Variants in RYR3 observed in about 807,000 individuals in gnomAD.
RYR3 encodes brain ryanodine receptor-calcium release channel.
RYR3 carries 207 observed loss-of-function variants against 584.3 expected under a neutral mutation model. The observed-to-expected ratio is 0.35, with a 90% CI of 0.32 to 0.40. The LOEUF (loss-of-function observed/expected upper bound fraction) is 0.40. Among genes scored for constraint, RYR3 ranks in the 10% least tolerant of loss-of-function variants. RYR3 has a pLI of 1.00. For missense variants in RYR3, 5,616 were observed against 6,089.2 expected (o/e 0.92, Z 2.59); for synonymous variants, 2,416 against 2,248.5 (o/e 1.07, Z -2.11).
intron 80 of RYR3, 145 bp from the exon 81 acceptor site, chr15:33,822,851 A>G: frequency 1.8e-6 from 1 of 559,648 alleles, no homozygotes; most frequent in Non-Finnish European, 3.1e-6. Flanking sequence ...TTATAAAATA[A>G]ACATGATCTA....
In RYR3 at chr15:33,772,129, C is replaced by T; in HGVS notation, c.9026C>T (p.Thr3009Ile). Residue 3009 changes from threonine to isoleucine, a missense_variant, in exon 63 of 104, where the codon ACT becomes ATT. By Grantham distance (89) the Thr-to-Ile change is moderately conservative. Coordinates refer to ENST00000634891, the MANE Select transcript of RYR3 (RefSeq NM_001036.6). ...CTGACGTCCATCTTTGAGCACGTCA[C>T]TCAGCATCAGTTTGGAATGGATCTA... ...PILTSIFEHV[T>I]QHQFGMDLLL... is the part of the protein sequence containing the mutation. 6.2e-7 allele frequency: 1 copy of T among 1,612,290 alleles called. No homozygotes were observed. Among genetic ancestry groups the T allele is most frequent in the Non-Finnish European group, 8.5e-7 (1 of 1,178,584 alleles).
In RYR3 at chr15:33,736,276, T is replaced by C; in HGVS notation, c.7466T>C (p.Leu2489Pro). 1 of 1,613,468 alleles carries C rather than the reference T, an allele frequency of 6.2e-7. No individual in the cohort carries two copies. The highest frequency in any genetic ancestry group is 8.5e-7 in the Non-Finnish European group (1 of 1,179,726). The change falls in exon 49 of 104, where the codon CTC becomes CCC. Residue 2489 changes from leucine (L) to proline (P), a missense_variant. By Grantham distance (98) the Leu-to-Pro change is moderately conservative. Transcript: ENST00000634891. Reference sequence around the variant, plus strand: ...ATGTTACAGCAACTCCTGCGACGCCTCGTTTTTGATGTGCCGCAACTCAAT... The same window carrying C: ...ATGTTACAGCAACTCCTGCGACGCCCCGTTTTTGATGTGCCGCAACTCAAT... ...PSMLQQLLRRLVFDVPQLNEY... is the reference protein window; with the variant it reads ...PSMLQQLLRRPVFDVPQLNEY...
In RYR3 at chr15:33,865,162, G is replaced by A. The variant is rs749293138; in HGVS notation, c.14549G>A (p.Arg4850Lys). 6.2e-7 allele frequency: 1 copy of A among 1,613,694 alleles called. No individual in the cohort carries two copies. Among genetic ancestry groups the A allele is most frequent in the South Asian group, 1.1e-5 (1 of 91,060 alleles). Reference protein sequence around the residue: ...ESYVWKMYQERCWDFFPAGDC... With the variant: ...ESYVWKMYQEKCWDFFPAGDC... ...TATGTCTGGAAGATGTACCAAGAAA[G>A]GTGTTGGGATTTCTTCCCAGCCGGT... The change falls in exon 104 of 104, where the codon AGG becomes AAG. Residue 4850 changes from arginine to lysine, a missense_variant. Arg to Lys is a conservative substitution (Grantham distance 26, BLOSUM62 2). Around this residue, in one of 9 missense-constraint regions of RYR3, gnomAD observed 918 missense variants for 887.4 expected, o/e 1.03. Coordinates refer to ENST00000634891, the MANE Select transcript of RYR3 (RefSeq NM_001036.6).
intron 1 of RYR3, among the ~76,000 whole-genome samples, chr15:33,469,547 G>A (rs1254634044): frequency 2.6e-5 from 4 of 151,788 alleles, no homozygotes; most frequent in South Asian, 2.1e-4. Context: ...TCAGAGATAC[G>A]AGATAATGAT....
At position 33,854,888 on chromosome 15, in the gene RYR3, A is replaced by G; in HGVS notation, c.13983A>G (p.Ser4661=). 2 of 1,612,602 alleles carry G rather than the reference A, an allele frequency of 1.2e-6. No individual in the cohort carries two copies. The highest frequency in any genetic ancestry group is 1.7e-6 in the Non-Finnish European group (2 of 1,179,478). ...MGFKTLRTIL[S]SVTHNGKQLV... is the part of the protein sequence containing the mutation. Reference sequence around the variant, plus strand: ...TCAAGACACTGAGGACCATTCTGTCATCTGTAACTCACAATGGCAAACAGG... The same window carrying G: ...TCAAGACACTGAGGACCATTCTGTCGTCTGTAACTCACAATGGCAAACAGG... The change falls in exon 98 of 104, where the codon TCA becomes TCG. Residue 4661 remains serine (S), a synonymous_variant. Coordinates refer to ENST00000634891, the MANE Select transcript of RYR3 (RefSeq NM_001036.6).
At chr15:33,725,154 TACACACACACACACACACACACAC>T (rs58951939) in intron 45 of RYR3, among the ~76,000 whole-genome samples, 13 of 113,894 alleles carry the variant, frequency 1.1e-4, no homozygotes, top group East Asian at 4.3e-4. Flanking sequence ...TCCAACACCT[TACACACACACACACACACACACAC>T]ACACACACAC....
intron 1 of RYR3, among the ~76,000 whole-genome samples, chr15:33,319,834 G>T (rs773028438): frequency 6.6e-6 from 1 of 152,092 alleles, no homozygotes; most frequent in African/African-American, 2.4e-5. Context: ...AAATGTTTCC[G>T]TCAGCCTAAA....
intron 38 of RYR3, among the ~76,000 whole-genome samples, chr15:33,680,713 T>C (rs1173935093): frequency 1.3e-5 from 2 of 152,186 alleles, no homozygotes; most frequent in Non-Finnish European, 2.9e-5. Flanking sequence ...TTTACATTCC[T>C]GAGGAGCATA....
intron 94 of RYR3, among the ~76,000 whole-genome samples, chr15:33,848,824 C>CTTTT (rs1567314183): frequency 1.8e-5 from 2 of 111,198 alleles, no homozygotes; most frequent in Non-Finnish European, 3.7e-5. Context: ...CTCTGAAGTC[C>CTTTT]TCTTTTTTTT....
chr15:33,634,457 A>G, intron 24 of RYR3, 129 bp from the exon 25 acceptor site: 1 of 762,466 alleles, frequency 1.3e-6, no homozygotes, highest in Non-Finnish European at 2.2e-6. Context: ...ATGTGAAGGC[A>G]CTGAGGGAAG....
At chr15:33,640,869 C>T (rs1156919088) in intron 27 of RYR3, among the ~76,000 whole-genome samples, 1 of 152,014 alleles carries the variant, frequency 6.6e-6, no homozygotes, top group Non-Finnish European at 1.5e-5. Flanking sequence ...TATTCTTTGC[C>T]CTCTTATTAT....
intron 85 of RYR3, among the ~76,000 whole-genome samples, chr15:33,829,751 CAAAAAA>C (rs56172137): frequency 7.4e-6 from 1 of 134,716 alleles, no homozygotes; most frequent in African/African-American, 2.8e-5. Context: ...GACTCTGTCT[CAAAAAA>C]AAAAAAAAAA....
chr15:33,493,463 G>C (rs1353928056), intron 2 of RYR3, among the ~76,000 whole-genome samples: 1 of 152,120 alleles, frequency 6.6e-6, no homozygotes, highest in African/African-American at 2.4e-5. Flanking sequence ...CTCATTAAGT[G>C]GTTGCTTATT....
chr15:33,829,269 T>C (rs1596859041), intron 85 of RYR3, among the ~76,000 whole-genome samples: 1 of 152,218 alleles, frequency 6.6e-6, no homozygotes, highest in Non-Finnish European at 1.5e-5. Flanking sequence ...CTTTTTTTCA[T>C]GCCTGCTAAT....
intron 60 of RYR3, among the ~76,000 whole-genome samples, chr15:33,766,782 A>T (rs1046488220): frequency 6.6e-6 from 1 of 152,206 alleles, no homozygotes; most frequent in Non-Finnish European, 1.5e-5. Context: ...CCTTTTCTGC[A>T]TCTGCAGCCC....
chr15:33,668,219 A>T (rs2152718150), intron 36 of RYR3, among the ~76,000 whole-genome samples: 1 of 151,660 alleles, frequency 6.6e-6, no homozygotes, highest in South Asian at 2.1e-4. Context: ...CGGGAGGCTG[A>T]GGCAGGAGAA....
Position 33,740,476 on chromosome 15 carries a change from T to C in RYR3, c.7820+481T>C, listed in dbSNP as rs1023073371. 2.0e-5 allele frequency among the ~76,000 whole-genome samples: 3 copies of C among 152,346 alleles called. No individual in the cohort carries two copies. The South Asian group carries it at 6.2e-4, about 32-fold the overall frequency. On this transcript the variant is annotated intron_variant, in intron 51 of 103. Transcript: ENST00000634891. ...CACTGGAAAAGCTGGACCTGCTCTT[T>C]GCCATGCCGAGGGATGCTGGAGCTT...
At chr15:33,677,469 C>T (rs2064261140) in intron 38 of RYR3, among the ~76,000 whole-genome samples, 1 of 152,318 alleles carries the variant, frequency 6.6e-6, no homozygotes, top group East Asian at 1.9e-4. Flanking sequence ...CTCTTTTCCC[C>T]ACCATCATCA....
In RYR3 at chr15:33,725,202, C is replaced by CACACACACAT. The variant is rs1391087187; in HGVS notation, c.6912+1027_6912+1028insCACACACATA. 8.6e-4 allele frequency among the ~76,000 whole-genome samples: 95 copies of CACACACACAT among 111,048 alleles called. 1 individual carries two copies. Among genetic ancestry groups the CACACACACAT allele is most frequent in the African/African-American group, 2.7e-3 (88 of 32,448 alleles). 72.9% of individuals were successfully genotyped at this position (111,048 alleles called of 152,430 possible). On this transcript the variant is annotated intron_variant, in intron 45 of 103. Transcript: ENST00000634891. ...ACACACACACACACACACACACACA[C>CACACACACAT]ATATATACATCCCTTCTTAGGACCC...
Sources: allele counts gnomAD v4.1 joint callset (sites outside exome capture counted in the v4.1 genomes callset), GRCh38; gene constraint gnomAD v4.1.1; regional missense constraint gnomAD v4.1.1; transcripts MANE v1.5; gene names NCBI Gene and HGNC (gene_info 2026-07-23, HGNC 2026-07-21).